The following ABR variants were observed in gnomAD, a reference collection of about 807,000 sequenced individuals.
ABR encodes the protein active breakpoint cluster region-related protein.
ABR carries 35 observed loss-of-function variants against 107.2 expected under a neutral mutation model. The observed-to-expected ratio is 0.33, with a 90% CI of 0.25 to 0.43. ABR has a LOEUF of 0.43. ABR is among the 20% of genes least tolerant of loss of function. The pLI, the probability that ABR is intolerant of heterozygous loss-of-function variation, is 1.00. For missense variants in ABR, 815 were observed against 1,115.2 expected (o/e 0.73, Z 3.83); for synonymous variants, 498 against 462.0 (o/e 1.08, Z -1.00).
chr17:1,110,332 G>A (rs974195502), intron 2 of ABR, among the ~76,000 whole-genome samples: 2 of 152,074 alleles, frequency 1.3e-5, no homozygotes, highest in Admixed American at 6.5e-5. Context: ...AGCAAAGGTT[G>A]CAAACGGCAC....
At chr17:1,225,593 A>G (rs2043198551) in intron 1 of ABR, among the ~76,000 whole-genome samples, 1 of 152,176 alleles carries the variant, frequency 6.6e-6, no homozygotes, top group Non-Finnish European at 1.5e-5. Context: ...CAGGGGTTGC[A>G]GTGACCCGAG....
chr17:1,018,830 G>A (rs904862879), intron 16 of ABR, among the ~76,000 whole-genome samples: 2 of 152,284 alleles, frequency 1.3e-5, no homozygotes, highest in Middle Eastern at 3.4e-3. Context: ...CTGCGTTCAT[G>A]ATCATGATAG....
Position 1,179,858 on chromosome 17 carries a change from C to A in ABR, c.-131G>T, listed in dbSNP as rs879933857. 14 of 836,810 alleles carry A rather than the reference C, an allele frequency of 1.7e-5. No individual in the cohort carries two copies. The East Asian group carries it at 3.3e-4, about 20-fold the overall frequency. 51.8% of individuals were successfully genotyped at this position (836,810 alleles called of 1,614,324 possible). A position where few individuals can be genotyped will look rare whatever the true frequency, so the allele number is the denominator to read the frequency against. ...GCGAGGAGGCCGGGAACCAGGTCCC[C>A]GGGAGGAGCGCGGGGCGGCCGGGGC... On this transcript the variant is annotated 5_prime_UTR_variant, in exon 1 of 23. Coordinates refer to ENST00000302538, the MANE Select transcript of ABR (RefSeq NM_021962.5). The surrounding 1 kb of genome is among the most constrained non-coding windows in gnomAD (Gnocchi z 4.9).
At chr17:1,176,078 A>C (rs1252378747) in intron 1 of ABR, among the ~76,000 whole-genome samples, 1 of 151,788 alleles carries the variant, frequency 6.6e-6, no homozygotes, top group Non-Finnish European at 1.5e-5. Flanking sequence ...GCCTGGGTGA[A>C]AGAGCGAGAC....
Position 1,011,099 on chromosome 17 carries a change from T to G in ABR, c.2102-236A>C, listed in dbSNP as rs1285830086. ...GCTGTGGCTGCTTGGGAAAGGGTGT[T>G]TGGGGAGTGAAATCCATCACCCAGA... On this transcript the variant is annotated intron_variant, in intron 19 of 22. Transcript: ENST00000302538. This position sits in a 1 kb window ranked among gnomAD's most constrained non-coding sequence, Gnocchi z 4.8. The G allele has an allele frequency of 1.8e-6, 1 of 552,836 alleles. No homozygotes were observed. The highest frequency in any genetic ancestry group is 1.9e-5 in the African/African-American group (1 of 52,720). The allele number at this position is 552,836 out of a possible 1,614,324, so 34.2% of individuals were successfully genotyped here.
chr17:1,075,483 G>C (rs2035626615), intron 6 of ABR, among the ~76,000 whole-genome samples: 1 of 152,250 alleles, frequency 6.6e-6, no homozygotes. Flanking sequence ...GGAGCAATCT[G>C]CTGGCTGTGA....
chr17:1,192,704 C>T (rs1227378324), intron 1 of ABR, among the ~76,000 whole-genome samples: 3 of 151,520 alleles, frequency 2.0e-5, no homozygotes, highest in Non-Finnish European at 2.9e-5. Context: ...CCCGAGGCCA[C>T]GAGTTCAAGA....
At chr17:1,089,523 CA>C (rs758058053) in intron 4 of ABR, among the ~76,000 whole-genome samples, 4 of 152,208 alleles carry the variant, frequency 2.6e-5, no homozygotes, top group Non-Finnish European at 5.9e-5. Flanking sequence ...GCTGGAGAAA[CA>C]GGACTCTCAG....
chr17:1,047,937 T>C (rs938188310), intron 16 of ABR, among the ~76,000 whole-genome samples: 12 of 152,210 alleles, frequency 7.9e-5, no homozygotes, highest in African/African-American at 2.4e-4. Context: ...CCCACGGGGC[T>C]GGCTGCCCGG....
At chr17:1,016,295 C>T (rs2071148525) in intron 16 of ABR, among the ~76,000 whole-genome samples, 1 of 150,644 alleles carries the variant, frequency 6.6e-6, no homozygotes, top group East Asian at 1.9e-4. Flanking sequence ...CTTTTACTTT[C>T]TGAACACTGA....
Position 1,013,111 on chromosome 17 carries a change from C to G in ABR, c.1845G>C (p.Met615Ile). ...TKNWHTDVIEMNGIKVEFSMK... is the reference protein window; with the variant it reads ...TKNWHTDVIEINGIKVEFSMK... The stretch of plus-strand genomic sequence containing the variant: ...ATTCCCATCCCCGGCTCACCCCGTT[C>G]ATCTCAATCACGTCCGTGTGCCAGT... The change falls in exon 17 of 23, where the codon ATG becomes ATC. Residue 615 changes from methionine to isoleucine, a missense_variant. Coordinates refer to ENST00000302538, the MANE Select transcript of ABR (RefSeq NM_021962.5). 6.2e-7 allele frequency: 1 copy of G among 1,614,104 alleles called. No individual in the cohort carries two copies. Among genetic ancestry groups the G allele is most frequent in the Non-Finnish European group, 8.5e-7 (1 of 1,179,988 alleles).
At chr17:1,080,774 G>A (rs1168059928) in intron 5 of ABR, among the ~76,000 whole-genome samples, 1 of 130,784 alleles carries the variant, frequency 7.6e-6, no homozygotes, top group African/African-American at 2.8e-5. Flanking sequence ...CGGGGGGGTG[G>A]GGGATACTCA....
At chr17:1,079,172 G>GCT in intron 6 of ABR, 158 bp downstream of exon 6, 4 of 1,463,826 alleles carry the variant, frequency 2.7e-6, no homozygotes, top group Non-Finnish European at 3.6e-6. Context: ...GCGCACACGC[G>GCT]CACTCAGCTC....
chr17:1,128,100 G>T (rs567540738), intron 1 of ABR, among the ~76,000 whole-genome samples: 6 of 152,330 alleles, frequency 3.9e-5, no homozygotes, highest in African/African-American at 1.4e-4. Flanking sequence ...GCTGGTGGGC[G>T]GAGGCCCAGG....
intron 1 of ABR, among the ~76,000 whole-genome samples, chr17:1,172,672 C>G (rs112275872): frequency 0.014 from 2,120 of 152,144 alleles, 42 homozygotes; most frequent in African/African-American, 0.048. Flanking sequence ...TCGCTTGAAC[C>G]CAGGAGGTGG....
intron 1 of ABR, among the ~76,000 whole-genome samples, chr17:1,219,155 G>T (rs1418021017): frequency 6.6e-6 from 1 of 152,104 alleles, no homozygotes; most frequent in Non-Finnish European, 1.5e-5. Flanking sequence ...CAATTATCCT[G>T]CCTCAGCCTC....
At chr17:1,178,576 A>AAG (rs71148441) in intron 1 of ABR, among the ~76,000 whole-genome samples, 41,846 of 150,176 alleles carry the variant, frequency 0.28, 6,892 homozygotes, top group Middle Eastern at 0.4. Context: ...AAAAAAAAAA[A>AAG]AAAGAAAGAA....
In ABR at chr17:1,179,548, G is replaced by C. The variant is rs910969650; in HGVS notation, c.61+119C>G. ...GCCCCCGCCCGCGCTCCCCGGACCA[G>C]CCCGGTGCCTGGGTCCCGATCCCGA... On this transcript the variant is annotated intron_variant, in intron 1 of 22. Transcript: ENST00000302538. This position sits in a 1 kb window ranked among gnomAD's most constrained non-coding sequence, Gnocchi z 4.9. 6.2e-6 allele frequency: 7 copies of C among 1,132,266 alleles called. No individual in the cohort carries two copies. Among genetic ancestry groups the C allele is most frequent in the Non-Finnish European group, 5.9e-6 (5 of 854,356 alleles). The allele number at this position is 1,132,266 out of a possible 1,614,324, so 70.1% of individuals were successfully genotyped here.
chr17:1,126,664 T>C (rs1183001950), intron 1 of ABR: 1 of 152,288 alleles, frequency 6.6e-6, no homozygotes, highest in African/African-American at 2.4e-5. Flanking sequence ...CACAGTGTGA[T>C]GGGGGAGGCT....
Sources: gnomAD v4.1 joint callset for allele counts (sites outside exome capture counted in the v4.1 genomes callset) on GRCh38, gnomAD v4.1.1 for gene constraint, Gnocchi (gnomAD v3.1) non-coding constraint, MANE v1.5 for transcripts, NCBI Gene and HGNC (gene_info 2026-07-23, HGNC 2026-07-21) for gene names.